Variants in KANK1 observed in about 807,000 individuals in gnomAD.
The protein encoded by KANK1 is KN motif and ankyrin repeat domains 1, also known as KN motif and ankyrin repeat domain-containing protein 1.
KANK1 carries 109 observed loss-of-function variants against 106.2 expected under a neutral mutation model. The ratio of observed to expected loss-of-function variants is 1.03; its 90% confidence interval spans 0.88 to 1.20. KANK1 has a LOEUF of 1.20. KANK1 is among the 50% of genes most tolerant of loss of function. The pLI is 0.00. For synonymous variants in KANK1, 873 were observed against 652.2 expected (o/e 1.34, Z -5.16); for missense variants, 2,399 against 1,710.7 (o/e 1.40, Z -7.10).
intron 2 of KANK1, among the ~76,000 whole-genome samples, chr9:471,197 C>T (rs2058014282): frequency 6.6e-6 from 1 of 152,158 alleles, no homozygotes; most frequent in Non-Finnish European, 1.5e-5. Flanking sequence ...TGCACCTCAC[C>T]CCTTGCTTTT....
intron 1 of KANK1, among the ~76,000 whole-genome samples, chr9:552,084 T>G (rs2061319695): frequency 6.6e-6 from 1 of 152,050 alleles, no homozygotes; most frequent in Admixed American, 6.6e-5. Context: ...CATGTAACAG[T>G]AGGATCTAAT....
intron 3 of KANK1, among the ~76,000 whole-genome samples, chr9:722,744 T>TA (rs1448126041): frequency 1.3e-5 from 2 of 152,206 alleles, no homozygotes; most frequent in East Asian, 3.8e-4. Context: ...TTCTTTTCCT[T>TA]ACCAGTTAAG....
At chr9:721,944 G>T (rs891317237) in intron 3 of KANK1, among the ~76,000 whole-genome samples, 4 of 152,220 alleles carry the variant, frequency 2.6e-5, no homozygotes, top group Non-Finnish European at 4.4e-5. Context: ...GCTGTCATTA[G>T]CCTTTCCCAT....
At chr9:534,867 G>A (rs948941778) in intron 1 of KANK1, among the ~76,000 whole-genome samples, 1 of 152,184 alleles carries the variant, frequency 6.6e-6, no homozygotes, top group Non-Finnish European at 1.5e-5. Flanking sequence ...TTGCCCATGT[G>A]GGAACAATTA....
rs777453797 is a variant in KANK1 at position 730,193 on chromosome 9, A to C, written c.2841A>C (p.Glu947Asp). Residue 947 changes from glutamate to aspartate, a missense_variant, in exon 4 of 12, where the codon GAA (glutamate) becomes GAC (aspartate). Physicochemically the swap from Glu to Asp is conservative, Grantham distance 45. Coordinates refer to ENST00000382297, the MANE Select transcript of KANK1 (RefSeq NM_015158.5). ...ISSLDAFPTQ[E>D]GTLSPVNLTD... ...GCCTGGATGCCTTCCCCACTCAGGA[A>C]GGTACGCTGTCTCCAGTGAACCTGA... 1.2e-6 allele frequency: 2 copies of C among 1,614,082 alleles called. No individual in the cohort carries two copies. The highest frequency in any genetic ancestry group is 2.2e-5 in the South Asian group (2 of 91,088).
chr9:680,768 G>A (rs9408672), intron 2 of KANK1: 26,960 of 152,012 alleles, frequency 0.18, 2,761 homozygotes, highest in East Asian at 0.32. Context: ...ACTTTCGTGC[G>A]CGGCCCTACC....
intron 3 of KANK1, among the ~76,000 whole-genome samples, chr9:487,261 A>G (rs1049661208): frequency 8.5e-5 from 13 of 152,356 alleles, no homozygotes; most frequent in African/African-American, 2.9e-4. Flanking sequence ...TAGAAACCAC[A>G]CTGCAAGTAC....
chr9:549,756 A>G (rs927991166), intron 1 of KANK1: 8 of 152,284 alleles, frequency 5.3e-5, no homozygotes, highest in Admixed American at 3.3e-4. Flanking sequence ...CATAGGAACT[A>G]TGAAGCGGGG....
intron 1 of KANK1, among the ~76,000 whole-genome samples, chr9:508,199 G>A (rs930920795): frequency 5.1e-5 from 7 of 137,930 alleles, no homozygotes; most frequent in African/African-American, 2.0e-4. Context: ...AGTGCATTGG[G>A]GTGATCTCAG....
chr9:686,830 C>A, intron 2 of KANK1: 1 of 985,244 alleles, frequency 1.0e-6, no homozygotes, highest in Non-Finnish European at 1.2e-6. Context: ...TAGGATGTTA[C>A]TTGGGTGCTA....
At chr9:649,581 T>C (rs1359220792) in intron 1 of KANK1, among the ~76,000 whole-genome samples, 1 of 152,222 alleles carries the variant, frequency 6.6e-6, no homozygotes, top group Non-Finnish European at 1.5e-5. Flanking sequence ...GGTTTCCTAA[T>C]GAGCTGTTAA....
intron 1 of KANK1, among the ~76,000 whole-genome samples, chr9:514,238 C>CCCTT (rs1211965948): frequency 5.3e-5 from 5 of 94,824 alleles, no homozygotes; most frequent in Non-Finnish European, 9.5e-5. Context: ...CTCCCTCCCT[C>CCCTT]CCTTCCTTCC....
At chr9:648,478 A>C (rs983215888) in intron 1 of KANK1, among the ~76,000 whole-genome samples, 2 of 152,128 alleles carry the variant, frequency 1.3e-5, no homozygotes, top group African/African-American at 4.8e-5. Flanking sequence ...TTTTTATGAA[A>C]TTTATCCATT....
At chr9:594,239 T>G (rs566263187) in intron 1 of KANK1, among the ~76,000 whole-genome samples, 1 of 151,916 alleles carries the variant, frequency 6.6e-6, no homozygotes, top group Non-Finnish European at 1.5e-5. Flanking sequence ...TTTTTCTGCC[T>G]TTAATAAAAT....
rs73376939 is a variant in KANK1 at position 594,499 on chromosome 9, C to T, written c.-83-82391C>T. 1.5e-3 allele frequency among the ~76,000 whole-genome samples: 221 copies of T among 151,974 alleles called. 9 individuals are homozygous for T. Among genetic ancestry groups the T allele is most frequent in the African/African-American group, 5.0e-3 (206 of 41,250 alleles). ...ACTTTGTAAGTCTCTAAATCCTCCA[C>T]CTTAACATAGAGTTCTCATTTCAAA... On this transcript the variant is annotated intron_variant, in intron 1 of 11. Transcript: ENST00000382297.
intron 1 of KANK1, among the ~76,000 whole-genome samples, chr9:575,942 G>A (rs541418226): frequency 6.6e-6 from 1 of 152,324 alleles, no homozygotes; most frequent in African/African-American, 2.4e-5. Context: ...AAGATCGCTT[G>A]AACCCAGTAT....
At chr9:488,265 A>G (rs750780873) in intron 3 of KANK1, among the ~76,000 whole-genome samples, 8 of 152,120 alleles carry the variant, frequency 5.3e-5, no homozygotes, top group Non-Finnish European at 1.2e-4. Flanking sequence ...CACAATATCC[A>G]GTGTGGTGGG....
In KANK1 at chr9:654,532, C is replaced by G. The variant is rs912419323; in HGVS notation, c.-83-22358C>G. On this transcript the variant is annotated intron_variant, in intron 1 of 11. Coordinates refer to ENST00000382297, the MANE Select transcript of KANK1 (RefSeq NM_015158.5). ...CACAGGACAATAGAATTTTTTTTTTCAAACACTAACTCAACCAGAAGGGAC... is the reference window on the plus strand; with the variant it reads ...CACAGGACAATAGAATTTTTTTTTTGAAACACTAACTCAACCAGAAGGGAC... Among the ~76,000 whole-genome samples the G allele has an allele frequency of 3.3e-5, 5 of 151,384 alleles. No individual in the cohort carries two copies. In the South Asian group the frequency reaches 1.0e-3, roughly 32 times the overall value.
At chr9:564,709 A>G (rs748113771) in intron 1 of KANK1, among the ~76,000 whole-genome samples, 1 of 151,942 alleles carries the variant, frequency 6.6e-6, no homozygotes, top group Non-Finnish European at 1.5e-5. Flanking sequence ...CCGCTCTTCC[A>G]CCTCCTAACA....
Sources: allele counts gnomAD v4.1 joint callset (sites outside exome capture counted in the v4.1 genomes callset), GRCh38; gene constraint gnomAD v4.1.1; transcripts MANE v1.5; gene names NCBI Gene and HGNC (gene_info 2026-07-23, HGNC 2026-07-21).